SCHIP1: variants seen among roughly 807,000 people sequenced by gnomAD.
SCHIP1 encodes the protein schwannomin interacting protein 1.
Under a neutral mutation model 29.7 loss-of-function variants are expected in SCHIP1, and 8 were observed. The observed-to-expected ratio is 0.27, with a 90% confidence interval of 0.16 to 0.49. The LOEUF (loss-of-function observed/expected upper bound fraction) is 0.49. Among genes scored for constraint, SCHIP1 ranks in the 20% least tolerant of loss-of-function variants. SCHIP1 has a pLI of 0.99. For missense variants in SCHIP1, 193 were observed against 294.6 expected (o/e 0.66, Z 2.52); for synonymous variants, 76 against 94.9 (o/e 0.80, Z 1.16).
the SCHIP1 span, among the ~76,000 whole-genome samples, chr3:159,728,162 C>A: frequency 6.6e-6 from 1 of 152,062 alleles, no homozygotes; most frequent in South Asian, 2.1e-4. Context: ...GACCATATGC[C>A]AGTGGGTGGG....
chr3:159,310,666 C>T, the SCHIP1 span, among the ~76,000 whole-genome samples: 1 of 152,230 alleles, frequency 6.6e-6, no homozygotes, highest in East Asian at 1.9e-4. Context: ...GGTACCAGCT[C>T]TACTATATCA....
At chr3:159,433,683 T>C in the SCHIP1 span, among the ~76,000 whole-genome samples, 1 of 152,176 alleles carries the variant, frequency 6.6e-6, no homozygotes, top group Non-Finnish European at 1.5e-5. Context: ...AGTTTTCTTG[T>C]CTGTAAAATG....
the SCHIP1 span, among the ~76,000 whole-genome samples, chr3:159,608,431 G>A: frequency 1.1e-4 from 17 of 152,188 alleles, no homozygotes; most frequent in South Asian, 1.0e-3. Context: ...ACAATTTTTG[G>A]ACTAGGACAG....
At chr3:159,736,326 G>A in the SCHIP1 span, among the ~76,000 whole-genome samples, 1 of 152,198 alleles carries the variant, frequency 6.6e-6, no homozygotes, top group Non-Finnish European at 1.5e-5. Context: ...GATTGGCTGT[G>A]TTCCTTAAAA....
At chr3:159,318,104 CT>C in the SCHIP1 span, among the ~76,000 whole-genome samples, 1 of 152,150 alleles carries the variant, frequency 6.6e-6, no homozygotes, top group Non-Finnish European at 1.5e-5. Context: ...ACCATGGCCA[CT>C]TTGTTCATGG....
the SCHIP1 span, among the ~76,000 whole-genome samples, chr3:159,692,828 C>T: frequency 6.6e-6 from 1 of 151,752 alleles, no homozygotes; most frequent in Non-Finnish European, 1.5e-5. Context: ...CTAGTTCCTA[C>T]AAAAAGAAAA....
At chr3:159,282,278 T>C in the SCHIP1 span, among the ~76,000 whole-genome samples, 1 of 152,190 alleles carries the variant, frequency 6.6e-6, no homozygotes, top group South Asian at 2.1e-4. Context: ...GTGGCCTGTG[T>C]TTAAAACCTG....
the SCHIP1 span, among the ~76,000 whole-genome samples, chr3:159,680,699 T>TAC: frequency 4.1e-4 from 10 of 24,640 alleles, no homozygotes; most frequent in Non-Finnish European, 6.1e-4. Context: ...ATATATATAA[T>TAC]ATATATTATA....
the SCHIP1 span, among the ~76,000 whole-genome samples, chr3:159,587,085 G>A: frequency 6.6e-6 from 1 of 152,130 alleles, no homozygotes; most frequent in African/African-American, 2.4e-5. Flanking sequence ...GACTCCATCA[G>A]AACCACCTGG....
the SCHIP1 span, among the ~76,000 whole-genome samples, chr3:159,505,096 T>C: frequency 2.0e-4 from 31 of 152,226 alleles, no homozygotes; most frequent in African/African-American, 7.0e-4. Flanking sequence ...GGAAAGAGGT[T>C]CCTGATGGCT....
chr3:159,441,845 T>C, the SCHIP1 span, among the ~76,000 whole-genome samples: 1 of 151,816 alleles, frequency 6.6e-6, no homozygotes, highest in Non-Finnish European at 1.5e-5. Context: ...GCAAGGATTC[T>C]ATTATTATTA....
the SCHIP1 span, among the ~76,000 whole-genome samples, chr3:159,717,059 A>G: frequency 6.6e-6 from 1 of 152,224 alleles, no homozygotes; most frequent in Non-Finnish European, 1.5e-5. Flanking sequence ...AGTGCAATCA[A>G]ACTAGAACTC....
the SCHIP1 span, among the ~76,000 whole-genome samples, chr3:159,655,469 G>T: frequency 6.6e-6 from 1 of 152,182 alleles, no homozygotes; most frequent in African/African-American, 2.4e-5. Flanking sequence ...TATGAGGCTG[G>T]CTGGAATGCT....
the SCHIP1 span, among the ~76,000 whole-genome samples, chr3:159,800,097 C>T: frequency 6.6e-6 from 1 of 152,174 alleles, no homozygotes; most frequent in Non-Finnish European, 1.5e-5. Context: ...GTGCCATGCA[C>T]TAACTTCAAA....
At chr3:159,719,404 GCTT>G in the SCHIP1 span, among the ~76,000 whole-genome samples, 3 of 152,266 alleles carry the variant, frequency 2.0e-5, no homozygotes, top group Non-Finnish European at 4.4e-5. Flanking sequence ...AAACTAAAGA[GCTT>G]CTCCACAGCA....
At chr3:159,779,244 T>A in the SCHIP1 span, among the ~76,000 whole-genome samples, 1 of 152,200 alleles carries the variant, frequency 6.6e-6, no homozygotes. Flanking sequence ...GGTTTGGGAC[T>A]CTTGCAGGAG....
the SCHIP1 span, among the ~76,000 whole-genome samples, chr3:159,577,658 G>T: frequency 6.6e-6 from 1 of 152,142 alleles, no homozygotes; most frequent in Non-Finnish European, 1.5e-5. Flanking sequence ...CATGACTGCA[G>T]GTCTATTCAG....
the SCHIP1 span, among the ~76,000 whole-genome samples, chr3:159,561,306 A>G: frequency 6.6e-6 from 1 of 152,196 alleles, no homozygotes; most frequent in Non-Finnish European, 1.5e-5. Context: ...GAGGCTAATG[A>G]AAAATTTACT....
At chr3:159,579,100 G>A in the SCHIP1 span, among the ~76,000 whole-genome samples, 1 of 152,084 alleles carries the variant, frequency 6.6e-6, no homozygotes, top group African/African-American at 2.4e-5. Context: ...ATGAAATAAA[G>A]TATTTTATTA....
Sources: allele counts gnomAD v4.1 joint callset (sites outside exome capture counted in the v4.1 genomes callset), GRCh38; gene constraint gnomAD v4.1.1; transcripts MANE v1.5; gene names NCBI Gene and HGNC (gene_info 2026-07-23, HGNC 2026-07-21).